Variants in BICD1 observed in about 807,000 individuals in gnomAD.
The protein encoded by BICD1 is protein bicaudal D homolog 1.
A neutral mutation model predicts 92.5 loss-of-function variants in BICD1; 35 were observed. The observed-to-expected ratio is 0.38, with a 90% CI of 0.29 to 0.50. The LOEUF (loss-of-function observed/expected upper bound fraction) is 0.50, where lower values mean the gene tolerates loss of function less well. Among genes scored for constraint, BICD1 ranks in the 20% least tolerant of loss-of-function variants. The pLI is 0.93. For synonymous variants in BICD1, 429 were observed against 465.1 expected, an observed-to-expected ratio of 0.92 and a Z score of 1.00; for missense variants, 950 against 1,189.8, an observed-to-expected ratio of 0.80 and a Z score of 2.97.
At chr12:32,329,709 C>A (rs1341788985) in intron 5 of BICD1, among the ~76,000 whole-genome samples, 1 of 152,168 alleles carries the variant, frequency 6.6e-6, no homozygotes, top group Non-Finnish European at 1.5e-5. Context: ...TAATAGGGAG[C>A]TTTTCCTAGC....
At chr12:32,326,740 A>T (rs1948785983) in intron 4 of BICD1, among the ~76,000 whole-genome samples, 1 of 152,102 alleles carries the variant, frequency 6.6e-6, no homozygotes, top group Non-Finnish European at 1.5e-5. Context: ...AAAATTAGCC[A>T]GGTGTGGTGG....
chr12:32,259,383 A>G (rs998068252), intron 2 of BICD1, among the ~76,000 whole-genome samples: 4 of 152,224 alleles, frequency 2.6e-5, no homozygotes, highest in Admixed American at 2.6e-4. Context: ...AAATTACTTA[A>G]TAAGATTGAT....
intron 1 of BICD1, among the ~76,000 whole-genome samples, chr12:32,138,853 A>G (rs778961455): frequency 4.6e-5 from 7 of 152,196 alleles, no homozygotes; most frequent in Non-Finnish European, 1.0e-4. Flanking sequence ...ATGTGTTTAG[A>G]TAGATATAAT....
rs933240924 is a variant in BICD1, at chr12:32,313,645, T to G, written c.1005+7523T>G. On this transcript the variant is annotated intron_variant, in intron 4 of 9. Coordinates refer to ENST00000652176, the MANE Select transcript of BICD1 (RefSeq NM_001714.4). The surrounding 1 kb of genome is among the most constrained non-coding windows in gnomAD (Gnocchi z 4.2). ...GTATAATTATTTCCTAGTACAAAGCTGACAAATGGCTAAACTATTACAGAT... is the reference window on the plus strand; with the variant it reads ...GTATAATTATTTCCTAGTACAAAGCGGACAAATGGCTAAACTATTACAGAT... Among the ~76,000 whole-genome samples the G allele has an allele frequency of 9.9e-5, 15 of 152,226 alleles. No homozygotes were observed. Among genetic ancestry groups the G allele is most frequent in the African/African-American group, 2.9e-4 (12 of 41,460 alleles).
chr12:32,221,307 CAT>C (rs1945515402), intron 2 of BICD1, among the ~76,000 whole-genome samples: 1 of 149,844 alleles, frequency 6.7e-6, no homozygotes, highest in Non-Finnish European at 1.5e-5. Flanking sequence ...CAGTGCCTGA[CAT>C]GTGGCAAAAC....
At chr12:32,185,940 AAC>A (rs66644957) in intron 1 of BICD1, among the ~76,000 whole-genome samples, 82,700 of 151,700 alleles carry the variant, frequency 0.55, 22,826 homozygotes, top group Admixed American at 0.63. Context: ...CAGGAGACTA[AAC>A]ACCGCCAGTT....
At chr12:32,375,983 C>T (rs1939939639) in intron 9 of BICD1, among the ~76,000 whole-genome samples, 1 of 152,018 alleles carries the variant, frequency 6.6e-6, no homozygotes. Context: ...TTATATAGTA[C>T]TGACTTTCAT....
rs1486022018 is a variant in BICD1, at chr12:32,313,275, T to G, written c.1005+7153T>G. Among the ~76,000 whole-genome samples, 1 of 152,224 alleles carries G rather than the reference T, an allele frequency of 6.6e-6. No homozygotes were observed. Among genetic ancestry groups the G allele is most frequent in the East Asian group, 1.9e-4 (1 of 5,202 alleles). On this transcript the variant is annotated intron_variant, in intron 4 of 9. Transcript: ENST00000652176. The surrounding 1 kb of genome is among the most constrained non-coding windows in gnomAD (Gnocchi z 4.2). ...TTTGATCCACTCTATTAAAGGCAAT[T>G]TTAGTTTTTTCTATAATGATTGATG...
chr12:32,289,536 C>T (rs1947669197), intron 2 of BICD1, among the ~76,000 whole-genome samples: 1 of 152,190 alleles, frequency 6.6e-6, no homozygotes, highest in African/African-American at 2.4e-5. Context: ...CAGGCGCGTG[C>T]CACCACACCC....
chr12:32,122,997 G>C (rs1374619855), intron 1 of BICD1, among the ~76,000 whole-genome samples: 2 of 152,092 alleles, frequency 1.3e-5, no homozygotes, highest in Admixed American at 6.6e-5. Context: ...ATACAGCAGA[G>C]AACAAACACA....
chr12:32,231,861 G>A (rs1425809538), intron 2 of BICD1, among the ~76,000 whole-genome samples: 1 of 151,254 alleles, frequency 6.6e-6, no homozygotes, highest in Non-Finnish European at 1.5e-5. Context: ...TCTTGTGATA[G>A]TTTACTGAGA....
intron 8 of BICD1, among the ~76,000 whole-genome samples, chr12:32,350,503 TGAAAATATA>T (rs1938819877): frequency 6.6e-6 from 1 of 152,088 alleles, no homozygotes; most frequent in South Asian, 2.1e-4. Flanking sequence ...AATGATGTAG[TGAAAATATA>T]GTTACATAGC....
chr12:32,351,057 T>G (rs1300713697), intron 8 of BICD1, among the ~76,000 whole-genome samples: 1 of 151,916 alleles, frequency 6.6e-6, no homozygotes, highest in Non-Finnish European at 1.5e-5. Flanking sequence ...AGTCCACAGA[T>G]GAGATCTTCT....
In BICD1 at chr12:32,293,973, CTG is replaced by C. The variant is rs1565647750; in HGVS notation, c.427-19_427-18del. ...CTACAATAAGAGAGTTATATATTGA[CTG>C]TTTACTCTGTTGTTTCAGAACAATG... On this transcript the variant is annotated intron_variant, in intron 2 of 9. Transcript: ENST00000652176. The C allele has an allele frequency of 1.2e-6, 2 of 1,605,062 alleles. No individual in the cohort carries two copies. The highest frequency in any genetic ancestry group is 1.7e-6 in the Non-Finnish European group (2 of 1,176,400).
intron 1 of BICD1, among the ~76,000 whole-genome samples, chr12:32,195,579 G>A (rs758184717): frequency 4.6e-5 from 7 of 152,184 alleles, no homozygotes; most frequent in Non-Finnish European, 5.9e-5. Context: ...ATATCTATAT[G>A]CAAAAGATTG....
intron 1 of BICD1, among the ~76,000 whole-genome samples, chr12:32,136,343 C>G (rs1942733498): frequency 6.6e-6 from 1 of 152,210 alleles, no homozygotes; most frequent in African/African-American, 2.4e-5. Context: ...AGAACTAAGG[C>G]TGTGGTCTAG....
rs530238489 is a variant in BICD1 at position 32,376,543 on chromosome 12, G to A, written c.2841-997G>A. On this transcript the variant is annotated intron_variant, in intron 9 of 9. Coordinates refer to ENST00000652176, the MANE Select transcript of BICD1 (RefSeq NM_001714.4). ...TAAACTAGAGGCTATCACAGGCGTCGTTTGGAAAGTTACATTATACACTTA... is the reference window on the plus strand; with the variant it reads ...TAAACTAGAGGCTATCACAGGCGTCATTTGGAAAGTTACATTATACACTTA... 1.3e-3 allele frequency among the ~76,000 whole-genome samples: 200 copies of A among 150,274 alleles called. 2 individuals carry two copies. Among genetic ancestry groups the A allele is most frequent in the African/African-American group, 4.3e-3 (175 of 41,140 alleles).
intron 1 of BICD1, 107 bp downstream of exon 1, chr12:32,107,651 T>TGAAAGGTAACCAAC (rs1941535693): frequency 8.0e-7 from 1 of 1,245,070 alleles, no homozygotes; most frequent in South Asian, 1.3e-5. Context: ...AAGGACTGTT[T>TGAAAGGTAACCAAC]TTTCTTCTAG....
intron 8 of BICD1, chr12:32,339,360 G>C: frequency 8.0e-6 from 8 of 994,770 alleles, no homozygotes; most frequent in Non-Finnish European, 9.6e-6. Context: ...TTTCCGTAAA[G>C]GGAGAGCCAT....
Sources: gnomAD v4.1 joint callset for allele counts (sites outside exome capture counted in the v4.1 genomes callset) on GRCh38, gnomAD v4.1.1 for gene constraint, Gnocchi (gnomAD v3.1) non-coding constraint, MANE v1.5 for transcripts, NCBI Gene and HGNC (gene_info 2026-07-23, HGNC 2026-07-21) for gene names.